HMGB1: variants seen among roughly 807,000 people sequenced by gnomAD.
HMGB1 encodes high mobility group protein B1.
For missense variants in HMGB1, 79 were observed against 253.5 expected (o/e 0.31, Z 4.67); for synonymous variants, 81 against 84.0 (o/e 0.96, Z 0.19).
In HMGB1 at chr13:30,559,995, G is replaced by A. The variant is rs571112788; in HGVS notation, c.-15+56676C>T. ...GTTTCTCACCATTGAGACCCCCAAG[G>A]CACCCCCTCCCAGCATTTACCAGAA... is the stretch of plus-strand genomic sequence containing the variant. On this transcript the variant is annotated intron_variant, in intron 1 of 4. Transcript: ENST00000405805. The surrounding 1 kb of genome is among the most constrained non-coding windows in gnomAD (Gnocchi z 6.6). 6.6e-6 allele frequency among the ~76,000 whole-genome samples: 1 copy of A among 151,948 alleles called. No individual in the cohort carries two copies. Among genetic ancestry groups the A allele is most frequent in the African/African-American group, 2.4e-5 (1 of 41,350 alleles).
chr13:30,479,513 A>C (rs575943665), intron 1 of HMGB1, among the ~76,000 whole-genome samples: 2 of 152,154 alleles, frequency 1.3e-5, no homozygotes, highest in Admixed American at 1.3e-4. Flanking sequence ...CCTCACACCA[A>C]CTTCAGTAAC....
intron 1 of HMGB1, among the ~76,000 whole-genome samples, chr13:30,535,040 T>C (rs1888582008): frequency 1.3e-5 from 2 of 152,252 alleles, no homozygotes. Context: ...GATGCTTGAA[T>C]GAGGACTAAT....
intron 1 of HMGB1, among the ~76,000 whole-genome samples, chr13:30,475,340 G>C (rs1887069672): frequency 6.7e-6 from 1 of 149,610 alleles, no homozygotes; most frequent in Admixed American, 6.7e-5. Context: ...CCAAGTAGCT[G>C]GGACTACAGG....
intron 1 of HMGB1, among the ~76,000 whole-genome samples, chr13:30,492,778 G>A (rs978346175): frequency 2.6e-5 from 4 of 152,054 alleles, no homozygotes; most frequent in Non-Finnish European, 5.9e-5. Flanking sequence ...ATCACCTGAG[G>A]TCAGGAGTTC....
At chr13:30,542,499 C>T (rs564883620) in intron 1 of HMGB1, 2 of 156,640 alleles carry the variant, frequency 1.3e-5, no homozygotes, top group Admixed American at 6.5e-5. Context: ...TCTTCACTGA[C>T]ATCCGCTCAT....
intron 1 of HMGB1, among the ~76,000 whole-genome samples, chr13:30,487,110 G>C (rs1256941896): frequency 1.3e-5 from 2 of 152,232 alleles, no homozygotes; most frequent in African/African-American, 4.8e-5. Context: ...CAATGCAGGT[G>C]AGTGTGAGAA....
intron 1 of HMGB1, among the ~76,000 whole-genome samples, chr13:30,563,955 G>A (rs1045378767): frequency 2.4e-4 from 37 of 152,262 alleles, no homozygotes; most frequent in Admixed American, 1.9e-3. Flanking sequence ...AATTAAAATG[G>A]TAAATGGGAA....
intron 1 of HMGB1, among the ~76,000 whole-genome samples, chr13:30,549,551 T>G (rs1051017736): frequency 2.0e-5 from 3 of 151,728 alleles, no homozygotes; most frequent in Non-Finnish European, 2.9e-5. Context: ...TCTGAGTAAT[T>G]TTTGTACTTT....
intron 1 of HMGB1, among the ~76,000 whole-genome samples, chr13:30,577,342 T>TAA (rs5802577): frequency 5.5e-5 from 7 of 128,226 alleles, no homozygotes; most frequent in Admixed American, 1.6e-4. Context: ...CCAGTCTCTT[T>TAA]AAAAAAAAAA....
At chr13:30,478,351 A>T (rs1054713137) in intron 1 of HMGB1, among the ~76,000 whole-genome samples, 1 of 152,140 alleles carries the variant, frequency 6.6e-6, no homozygotes, top group African/African-American at 2.4e-5. Context: ...CTCTAAAAAG[A>T]ATTATTTTTA....
chr13:30,495,656 T>A (rs1295930412), intron 1 of HMGB1, among the ~76,000 whole-genome samples: 3 of 152,114 alleles, frequency 2.0e-5, no homozygotes, highest in Non-Finnish European at 4.4e-5. Flanking sequence ...TTTTTTATAT[T>A]TTTAATAGAG....
intron 1 of HMGB1, among the ~76,000 whole-genome samples, chr13:30,581,113 C>T (rs943122730): frequency 1.3e-5 from 2 of 151,986 alleles, no homozygotes; most frequent in Non-Finnish European, 2.9e-5. Flanking sequence ...GTAGACAAAG[C>T]AGACTTACAG....
At chr13:30,595,541 CT>C (rs1198969568) in intron 1 of HMGB1, among the ~76,000 whole-genome samples, 6 of 152,206 alleles carry the variant, frequency 3.9e-5, no homozygotes, top group African/African-American at 1.4e-4. Flanking sequence ...AGCATATTTC[CT>C]TAACTTTAGT....
chr13:30,566,718 A>G (rs1399302585), intron 1 of HMGB1, among the ~76,000 whole-genome samples: 3 of 152,220 alleles, frequency 2.0e-5, no homozygotes, highest in Non-Finnish European at 4.4e-5. Flanking sequence ...ATAAGAAGTT[A>G]TTCTATATAA....
intron 1 of HMGB1, among the ~76,000 whole-genome samples, chr13:30,505,365 A>G (rs1353970303): frequency 6.6e-6 from 1 of 152,054 alleles, no homozygotes; most frequent in Non-Finnish European, 1.5e-5. Context: ...TTTTTAGTAG[A>G]GACAGGGTTT....
chr13:30,560,220 C>T (rs1199044471), intron 1 of HMGB1, among the ~76,000 whole-genome samples: 1 of 152,072 alleles, frequency 6.6e-6, no homozygotes, highest in Non-Finnish European at 1.5e-5. Context: ...AAGACAGAAG[C>T]ACCAGGAAAA....
chr13:30,506,641 T>C (rs960776549), intron 1 of HMGB1, among the ~76,000 whole-genome samples: 1 of 152,134 alleles, frequency 6.6e-6, no homozygotes, highest in Non-Finnish European at 1.5e-5. Flanking sequence ...CATTGATCCA[T>C]CCACACTCGA....
At chr13:30,555,433 G>A (rs1216432924) in intron 1 of HMGB1, among the ~76,000 whole-genome samples, 1 of 152,092 alleles carries the variant, frequency 6.6e-6, no homozygotes, top group African/African-American at 2.4e-5. Flanking sequence ...CATTCCTACT[G>A]TATTTTTATA....
At chr13:30,463,845 G>C (rs1886518510) in intron 1 of HMGB1, 151 bp from the exon 2 acceptor site, 4 of 587,400 alleles carry the variant, frequency 6.8e-6, no homozygotes, top group Non-Finnish European at 8.6e-6. Context: ...ATATGGCCGA[G>C]AGATTAAATT....
Sources: gnomAD v4.1 joint callset for allele counts (sites outside exome capture counted in the v4.1 genomes callset) on GRCh38, gnomAD v4.1.1 for gene constraint, Gnocchi (gnomAD v3.1) non-coding constraint, MANE v1.5 for transcripts, NCBI Gene and HGNC (gene_info 2026-07-23, HGNC 2026-07-21) for gene names.